Variants in LRRC7 observed in about 807,000 individuals in gnomAD.
LRRC7 encodes leucine-rich repeat-containing protein 7.
LRRC7 carries 23 observed loss-of-function variants against 175.7 expected under a neutral mutation model. That is an observed-to-expected ratio of 0.13 (90% CI 0.09 to 0.19). The LOEUF (loss-of-function observed/expected upper bound fraction) is 0.19. LRRC7 is among the 10% of genes least tolerant of loss of function. LRRC7 has a pLI of 1.00. For synonymous variants in LRRC7, 685 were observed against 680.9 expected, an observed-to-expected ratio of 1.01 and a Z score of -0.09; for missense variants, 1,354 against 1,904.7, an observed-to-expected ratio of 0.71 and a Z score of 5.38.
chr1:69,781,761 G>GAA (rs1673638440), intron 3 of LRRC7, among the ~76,000 whole-genome samples: 1 of 49,642 alleles, frequency 2.0e-5, no homozygotes. Context: ...GAGAGAGAGA[G>GAA]AGAGAAAGAA....
rs762447531 is a variant in LRRC7 at position 70,130,782 on chromosome 1, G to A, written c.*8895G>A. Among the ~76,000 whole-genome samples the A allele has an allele frequency of 6.6e-6, 1 of 152,188 alleles. No individual in the cohort carries two copies. Among genetic ancestry groups the A allele is most frequent in the Non-Finnish European group, 1.5e-5 (1 of 68,026 alleles). On this transcript the variant is annotated 3_prime_UTR_variant, in exon 27 of 27. Coordinates refer to ENST00000651989, the MANE Select transcript of LRRC7 (RefSeq NM_001370785.2). The stretch of plus-strand genomic sequence containing the variant: ...CCTAAGCAATTTTTACAATTTGGAT[G>A]TGGAGGGAAGAATAAAAGATGTCAT...
intron 18 of LRRC7, among the ~76,000 whole-genome samples, chr1:70,034,930 C>A (rs1659148349): frequency 6.6e-6 from 1 of 152,090 alleles, no homozygotes; most frequent in African/African-American, 2.4e-5. Flanking sequence ...AACCAAAGAC[C>A]TGAGCATGTC....
chr1:69,722,317 G>T (rs1411127812), intron 2 of LRRC7, among the ~76,000 whole-genome samples: 1 of 151,624 alleles, frequency 6.6e-6, no homozygotes, highest in Non-Finnish European at 1.5e-5. Flanking sequence ...GATTTATTTT[G>T]CAACCAGTCT....
At chr1:69,571,297 T>G (rs1399369981) in intron 1 of LRRC7, among the ~76,000 whole-genome samples, 1 of 152,228 alleles carries the variant, frequency 6.6e-6, no homozygotes, top group Non-Finnish European at 1.5e-5. Flanking sequence ...TTCAGAATTT[T>G]AGTGCAGCTT....
chr1:69,575,154 A>T (rs1270435), intron 1 of LRRC7, among the ~76,000 whole-genome samples: 19,790 of 152,124 alleles, frequency 0.13, 1,620 homozygotes, highest in South Asian at 0.18. Context: ...CTGAGGCCCC[A>T]CTAAGTATAC....
At chr1:69,682,824 A>G (rs964158271) in intron 2 of LRRC7, among the ~76,000 whole-genome samples, 3 of 152,176 alleles carry the variant, frequency 2.0e-5, no homozygotes, top group Admixed American at 2.0e-4. Context: ...ATTTTTCTAT[A>G]GTCCCTCTGG....
At chr1:69,604,319 T>A (rs192551122) in intron 1 of LRRC7, among the ~76,000 whole-genome samples, 106 of 152,298 alleles carry the variant, frequency 7.0e-4, no homozygotes, top group African/African-American at 2.3e-3. Context: ...ACCATTTTAT[T>A]TTTGGTCTTC....
Position 70,038,126 on chromosome 1 carries a change from T to C in LRRC7, c.2302T>C (p.Phe768Leu). The change falls in exon 21 of 27, where the codon TTC becomes CTC. Residue 768 changes from phenylalanine (F) to leucine (L), a missense_variant. By Grantham distance (22) the Phe-to-Leu change is conservative (BLOSUM62 0). Coordinates refer to ENST00000651989, the MANE Select transcript of LRRC7 (RefSeq NM_001370785.2). ...TTGTGTTCACAGGATTGCACCATCT[T>C]TCCCACAGCCTCTTGATTCAAAGCC... ...SLWGNRIAPSFPQPLDSKPLL... is the reference protein window; with the variant it reads ...SLWGNRIAPSLPQPLDSKPLL... 6.2e-7 allele frequency: 1 copy of C among 1,608,876 alleles called. No homozygotes were observed.
intron 7 of LRRC7, among the ~76,000 whole-genome samples, chr1:69,931,144 A>G (rs1468699788): frequency 6.6e-6 from 1 of 152,200 alleles, no homozygotes; most frequent in East Asian, 1.9e-4. Flanking sequence ...AGATTTTAGA[A>G]TGGTTTGCTG....
At chr1:69,858,843 T>C (rs1019337320) in intron 7 of LRRC7, among the ~76,000 whole-genome samples, 6 of 152,148 alleles carry the variant, frequency 3.9e-5, no homozygotes, top group Non-Finnish European at 2.9e-5. Context: ...AGTCTTTTTA[T>C]TTATCTTGGT....
intron 1 of LRRC7, among the ~76,000 whole-genome samples, chr1:69,669,789 G>T (rs227101): frequency 0.73 from 111,147 of 151,964 alleles, 40,994 homozygotes; most frequent in African/African-American, 0.8. Flanking sequence ...GACTGCATAT[G>T]TTCAAAAGGC....
intron 7 of LRRC7, among the ~76,000 whole-genome samples, chr1:69,924,442 A>G (rs1259786453): frequency 1.3e-5 from 2 of 152,166 alleles, no homozygotes; most frequent in African/African-American, 4.8e-5. Context: ...TGAGCATAGA[A>G]TGTTCTTCCA....
intron 17 of LRRC7, among the ~76,000 whole-genome samples, chr1:70,027,844 A>T (rs61243666): frequency 2.6e-5 from 4 of 152,052 alleles, no homozygotes; most frequent in African/African-American, 9.7e-5. Context: ...AAGTAAGAAA[A>T]CAGCTGCTAT....
At chr1:70,043,376 G>C (rs1000832693) in intron 21 of LRRC7, among the ~76,000 whole-genome samples, 2 of 152,120 alleles carry the variant, frequency 1.3e-5, no homozygotes, top group Non-Finnish European at 2.9e-5. Flanking sequence ...TAATAAGTAA[G>C]TTCAATCAAG....
chr1:69,849,138 T>A (rs1205653369), intron 7 of LRRC7, among the ~76,000 whole-genome samples: 2 of 152,052 alleles, frequency 1.3e-5, no homozygotes, highest in Non-Finnish European at 2.9e-5. Context: ...ATAAATGCAC[T>A]ATAATTTTAT....
At chr1:69,916,502 C>T (rs778043852) in intron 7 of LRRC7, among the ~76,000 whole-genome samples, 12 of 151,492 alleles carry the variant, frequency 7.9e-5, no homozygotes, top group South Asian at 2.1e-4. Context: ...CATGCATATT[C>T]CACAATAAGT....
At chr1:69,830,300 T>C (rs183441433) in intron 5 of LRRC7, among the ~76,000 whole-genome samples, 54 of 151,956 alleles carry the variant, frequency 3.6e-4, no homozygotes, top group Admixed American at 3.5e-3. Context: ...CAAGTGTCTC[T>C]GTTTGCCCAA....
intron 7 of LRRC7, among the ~76,000 whole-genome samples, chr1:69,845,571 T>A (rs1557802553): frequency 6.6e-6 from 1 of 152,126 alleles, no homozygotes; most frequent in Non-Finnish European, 1.5e-5. Context: ...CCAGTTATTA[T>A]CAAAATAATG....
chr1:69,667,758 G>A (rs190843018), intron 1 of LRRC7, among the ~76,000 whole-genome samples: 19 of 152,230 alleles, frequency 1.2e-4, no homozygotes, highest in African/African-American at 4.6e-4. Context: ...AATCTGTTCA[G>A]TCACTCCACA....
Sources: gnomAD v4.1 joint callset for allele counts (sites outside exome capture counted in the v4.1 genomes callset) on GRCh38, gnomAD v4.1.1 for gene constraint, MANE v1.5 for transcripts, NCBI Gene and HGNC (gene_info 2026-07-23, HGNC 2026-07-21) for gene names.